SYNE1: variants seen among roughly 807,000 people sequenced by gnomAD.
SYNE1 encodes the protein spectrin repeat containing nuclear envelope protein 1.
Under a neutral mutation model 1,111.0 loss-of-function variants are expected in SYNE1, and 616 were observed. The observed-to-expected ratio is 0.55, with a 90% CI of 0.52 to 0.59. The LOEUF (loss-of-function observed/expected upper bound fraction) is 0.59, where lower values mean the gene tolerates loss of function less well. Among genes scored for constraint, SYNE1 ranks in the 20% least tolerant of loss-of-function variants. The pLI, the probability that SYNE1 is intolerant of heterozygous loss-of-function variation, is 0.00. For missense variants in SYNE1, 10,006 were observed against 10,417.0 expected (o/e 0.96, Z 1.72); for synonymous variants, 3,855 against 3,825.8 (o/e 1.01, Z -0.28).
chr6:152,352,438 T>G, intron 69 of SYNE1, 85 bp from the exon 70 acceptor site: 1 of 1,423,420 alleles, frequency 7.0e-7, no homozygotes, highest in Non-Finnish European at 9.6e-7. Context: ...AGTTTCACTT[T>G]GTCACCCAGG....
intron 3 of SYNE1, among the ~76,000 whole-genome samples, chr6:152,570,466 A>G (rs952055172): frequency 6.6e-6 from 1 of 152,110 alleles, no homozygotes; most frequent in Admixed American, 6.5e-5. Flanking sequence ...AGTCAGTGAG[A>G]TCTCCGAAAA....
intron 4 of SYNE1, among the ~76,000 whole-genome samples, chr6:152,531,209 G>GA (rs1393853013): frequency 0.019 from 2,794 of 149,646 alleles, 97 homozygotes; most frequent in African/African-American, 0.064. Context: ...ATAAGAAAAT[G>GA]AAAAAAAAAA....
At chr6:152,635,868 G>C (rs941684686) in intron 2 of SYNE1, among the ~76,000 whole-genome samples, 4 of 152,154 alleles carry the variant, frequency 2.6e-5, no homozygotes, top group Non-Finnish European at 4.4e-5. Context: ...ATTTACGGAA[G>C]GGGGCAGAAC....
intron 28 of SYNE1, among the ~76,000 whole-genome samples, chr6:152,448,092 ATTTAT>A (rs1192770630): frequency 6.6e-5 from 10 of 152,174 alleles, no homozygotes; most frequent in Non-Finnish European, 1.5e-5. Context: ...TGCTCTAAAG[ATTTAT>A]TTTAACTTCA....
At chr6:152,465,591 T>C (rs1006868997) in intron 17 of SYNE1, 131 bp from the exon 18 acceptor site, 2 of 820,010 alleles carry the variant, frequency 2.4e-6, no homozygotes, top group South Asian at 1.5e-5. Flanking sequence ...CCAACAAATA[T>C]GACAGACATA....
At chr6:152,122,900 C>T (rs767742074) in intron 145 of SYNE1, among the ~76,000 whole-genome samples, 5 of 152,112 alleles carry the variant, frequency 3.3e-5, no homozygotes, top group African/African-American at 4.8e-5. Flanking sequence ...GTCAACTAAA[C>T]GTAAGTAATT....
intron 25 of SYNE1, among the ~76,000 whole-genome samples, chr6:152,451,468 ATTTTTTTTTTTTTTTTT>A (rs145882121): frequency 4.0e-5 from 2 of 49,824 alleles, no homozygotes; most frequent in East Asian, 1.3e-3. Flanking sequence ...CCTGCACCGT[ATTTTTTTTTTTTTTTTT>A]TTTTTTTTTT....
Position 152,141,371 on chromosome 6 carries a change from C to CA in SYNE1, c.25120-43dup, listed in dbSNP as rs773254320. 1.9e-5 allele frequency: 30 copies of CA among 1,612,002 alleles called. No individual in the cohort carries two copies. In the South Asian group the frequency reaches 3.1e-4, roughly 17 times the overall value. ...AACCGGCCCCTGTCACCCAAATCTT[C>CA]ATGAGTGCAAAAGCTTCCGGGGAAA... On this transcript the variant is annotated intron_variant, in intron 138 of 145. Transcript: ENST00000367255.
chr6:152,409,747 G>A, intron 42 of SYNE1, 38 bp from the exon 43 acceptor site: 2 of 1,609,636 alleles, frequency 1.2e-6, no homozygotes, highest in East Asian at 2.2e-5. Flanking sequence ...TTGGTGTCAT[G>A]TATCAGGAAA....
chr6:152,594,094 G>A (rs921051808), intron 3 of SYNE1, among the ~76,000 whole-genome samples: 1 of 152,206 alleles, frequency 6.6e-6, no homozygotes, highest in African/African-American at 2.4e-5. Context: ...TCAGTAGCTG[G>A]AGGGAGGAGT....
chr6:152,169,798 C>CAA (rs199833439), intron 130 of SYNE1, among the ~76,000 whole-genome samples: 49 of 133,952 alleles, frequency 3.7e-4, no homozygotes, highest in African/African-American at 1.2e-3. Flanking sequence ...AACCCAATCT[C>CAA]AAAAAAAAAA....
intron 145 of SYNE1, chr6:152,126,606 C>G (rs2053542721): frequency 6.6e-6 from 1 of 152,174 alleles, no homozygotes; most frequent in Non-Finnish European, 1.5e-5. Flanking sequence ...TGCTTATTTG[C>G]TACAAGTAAA....
intron 119 of SYNE1, 57 bp from the exon 120 acceptor site, chr6:152,219,242 C>T (rs1318706620): frequency 7.9e-5 from 120 of 1,521,234 alleles, no homozygotes; most frequent in Non-Finnish European, 1.1e-4. Context: ...TTATCATAAA[C>T]AGCAATCGGC....
Position 152,135,204 on chromosome 6 carries a change from A to C in SYNE1, c.25688T>G (p.Leu8563Arg). Residue 8563 changes from leucine to arginine, a missense_variant, in exon 142 of 146, where the codon CTT becomes CGT. By Grantham distance (102) the Leu-to-Arg change is moderately radical (BLOSUM62 -2). This residue lies in a region of SYNE1 where 761 missense variants were observed against 795.5 expected (regional missense o/e 0.96). Coordinates refer to ENST00000367255, the MANE Select transcript of SYNE1 (RefSeq NM_182961.4). ...TCTGTCAATGTTCTCCAGCATAAGA[A>C]GCAAACCATGGCTCATTTCATGGAA... is the stretch of plus-strand genomic sequence containing the variant. ...QGFHEMSHGL[L>R]LMLENIDRRK... The C allele has an allele frequency of 1.2e-6, 2 of 1,614,178 alleles. No homozygotes were observed. Among genetic ancestry groups the C allele is most frequent in the Non-Finnish European group, 1.7e-6 (2 of 1,180,018 alleles).
chr6:152,132,765 C>T (rs920600670), intron 143 of SYNE1, among the ~76,000 whole-genome samples: 44 of 152,096 alleles, frequency 2.9e-4, no homozygotes, highest in African/African-American at 1.1e-3. Context: ...TACCAGGCAT[C>T]ACCACATCTC....
At chr6:152,379,288 C>T (rs975379678) in intron 56 of SYNE1, among the ~76,000 whole-genome samples, 2 of 152,090 alleles carry the variant, frequency 1.3e-5, no homozygotes, top group East Asian at 3.9e-4. Context: ...CCACCTTATA[C>T]AGCTTAAGAA....
At position 152,371,840 on chromosome 6, in the gene SYNE1, CAGGACAGGAAAGGAA is replaced by C. The variant is rs1277272133; in HGVS notation, c.9507+1182_9507+1196del. 2.2e-3 allele frequency among the ~76,000 whole-genome samples: 124 copies of C among 56,988 alleles called. 4 individuals carry two copies. The highest frequency in any genetic ancestry group is 6.6e-3 in the African/African-American group (100 of 15,204). The allele number at this position is 56,988 out of a possible 152,430, so 37.4% of individuals were successfully genotyped here. ...AAGGACAGGAAAGGACAGGACAGGA[CAGGACAGGAAAGGAA>C]AGGAAAGGAAAGGAAAGGAAAGGAA... On this transcript the variant is annotated intron_variant, in intron 59 of 145. Coordinates refer to ENST00000367255, the MANE Select transcript of SYNE1 (RefSeq NM_182961.4).
chr6:152,164,068 C>T, intron 131 of SYNE1, 95 bp downstream of exon 131: 2 of 1,541,104 alleles, frequency 1.3e-6, no homozygotes, highest in South Asian at 2.3e-5. Flanking sequence ...GCTGACCTTC[C>T]ATCTCCAGGC....
At chr6:152,511,544 G>T (rs746884752) in intron 6 of SYNE1, 1 of 1,609,000 alleles carries the variant, frequency 6.2e-7, no homozygotes, top group South Asian at 1.1e-5. Context: ...AAAATCAGGA[G>T]TTAAGAATTC....
Sources: gnomAD v4.1 joint callset for allele counts (sites outside exome capture counted in the v4.1 genomes callset) on GRCh38, gnomAD v4.1.1 for gene constraint, gnomAD v4.1.1 regional missense constraint, MANE v1.5 for transcripts, NCBI Gene and HGNC (gene_info 2026-07-23, HGNC 2026-07-21) for gene names.